The following TEX15 variants were observed in gnomAD, a reference collection of about 807,000 sequenced individuals.
The protein encoded by TEX15 is testis expressed 15, meiosis and synapsis associated.
TEX15 carries 171 observed loss-of-function variants against 237.3 expected under a neutral mutation model. That is an observed-to-expected ratio of 0.72 (90% CI 0.64 to 0.82). TEX15 has a LOEUF of 0.82. TEX15 is among the 40% of genes least tolerant of loss of function. TEX15 has a pLI of 0.00. For synonymous variants in TEX15, 1,338 were observed against 1,269.8 expected, an observed-to-expected ratio of 1.05 and a Z score of -1.14; for missense variants, 3,750 against 3,646.5, an observed-to-expected ratio of 1.03 and a Z score of -0.73.
intron 4 of TEX15, among the ~76,000 whole-genome samples, chr8:30,868,407 C>T (rs1808221614): frequency 6.6e-6 from 1 of 151,962 alleles, no homozygotes; most frequent in Non-Finnish European, 1.5e-5. Flanking sequence ...TGATTATCTG[C>T]AATGGAGAAC....
Position 30,849,010 on chromosome 8 carries a change from C to G in TEX15, c.1157G>C (p.Ser386Thr). 1 of 1,614,164 alleles carries G rather than the reference C, an allele frequency of 6.2e-7. No homozygotes were observed. Among genetic ancestry groups the G allele is most frequent in the Admixed American group, 1.7e-5 (1 of 60,026 alleles). The change falls in exon 8 of 11, where the codon AGT (serine) becomes ACT (threonine). Residue 386 changes from serine to threonine, a missense_variant. Ser to Thr is a moderately conservative substitution (Grantham distance 58, BLOSUM62 1). Transcript: ENST00000643185. Reference protein sequence around the residue: ...AHDSDISLMPSDAKDSVNGDL... With the variant: ...AHDSDISLMPTDAKDSVNGDL... Reference sequence around the variant, plus strand: ...ACCATTAACACTGTCTTTGGCATCACTGGGCATAAGTGAAATGTCTGAATC... The same window carrying G: ...ACCATTAACACTGTCTTTGGCATCAGTGGGCATAAGTGAAATGTCTGAATC...
chr8:30,892,896 G>A (rs1365690144), intron 2 of TEX15, among the ~76,000 whole-genome samples: 1 of 152,008 alleles, frequency 6.6e-6, no homozygotes, highest in Non-Finnish European at 1.5e-5. Context: ...AGCCGGGCGT[G>A]GTTGCAGGCG....
At chr8:30,851,683 A>T (rs1040331632) in intron 7 of TEX15, among the ~76,000 whole-genome samples, 1 of 151,530 alleles carries the variant, frequency 6.6e-6, no homozygotes, top group Non-Finnish European at 1.5e-5. Context: ...GTGGGAAAAG[A>T]AACCTAATTA....
chr8:30,891,748 C>T (rs530486669), intron 2 of TEX15, among the ~76,000 whole-genome samples: 3 of 152,224 alleles, frequency 2.0e-5, no homozygotes, highest in African/African-American at 7.2e-5. Flanking sequence ...TGCCTGTAGG[C>T]ATAAGCCACT....
At chr8:30,861,665 T>C (rs538846130) in intron 5 of TEX15, among the ~76,000 whole-genome samples, 88 of 152,286 alleles carry the variant, frequency 5.8e-4, no homozygotes, top group African/African-American at 2.1e-3. Flanking sequence ...GTGCATTATA[T>C]ATAAGAGCTC....
At chr8:30,835,067 G>A (rs1271157536) in intron 10 of TEX15, among the ~76,000 whole-genome samples, 1 of 152,050 alleles carries the variant, frequency 6.6e-6, no homozygotes, top group Non-Finnish European at 1.5e-5. Context: ...CCAGGAGTCC[G>A]AGACCACCCT....
At chr8:30,855,466 A>G (rs1807889552) in intron 7 of TEX15, among the ~76,000 whole-genome samples, 1 of 152,202 alleles carries the variant, frequency 6.6e-6, no homozygotes, top group African/African-American at 2.4e-5. Flanking sequence ...AGATATGAAG[A>G]AATTCTAACT....
chr8:30,849,972 CTCTTA>C (rs940761821), intron 7 of TEX15, among the ~76,000 whole-genome samples: 3 of 152,010 alleles, frequency 2.0e-5, no homozygotes, highest in Non-Finnish European at 4.4e-5. Flanking sequence ...GATAACAGCT[CTCTTA>C]TATTAATTTT....
Position 30,848,094 on chromosome 8 carries a change from T to C in TEX15, c.2073A>G (p.Thr691=). ...KILITQELEI[T]KSSTSTIKDK... ...CCTTTATGGTAGATGTAGAAGATTT[T>C]GTTATTTCTAACTCTTGAGTAATTA... The change falls in exon 8 of 11, where the codon ACA becomes ACG. Residue 691 remains threonine (T), a synonymous_variant. Coordinates refer to ENST00000643185, the MANE Select transcript of TEX15 (RefSeq NM_001350162.2). 1.2e-6 allele frequency: 2 copies of C among 1,610,860 alleles called. No homozygotes were observed. Among genetic ancestry groups the C allele is most frequent in the Non-Finnish European group, 1.7e-6 (2 of 1,178,382 alleles).
intron 2 of TEX15, among the ~76,000 whole-genome samples, chr8:30,889,954 C>CACGTATATATATATATATACGTATAT (rs1554502343): frequency 9.1e-6 from 1 of 110,084 alleles, no homozygotes; most frequent in African/African-American, 4.5e-5. Flanking sequence ...TATATATATA[C>CACGTATATATATATATATACGTATAT]ATATATATAT....
At chr8:30,907,500 T>C (rs952792271) in intron 1 of TEX15, among the ~76,000 whole-genome samples, 2 of 146,986 alleles carry the variant, frequency 1.4e-5, no homozygotes, top group Non-Finnish European at 1.5e-5. Context: ...AAAATGTATA[T>C]ATAAATTATA....
At position 30,833,843 on chromosome 8, in the gene TEX15, TTTTTC is replaced by T. The variant is rs558775330; in HGVS notation, c.9482-525_9482-521del. Among the ~76,000 whole-genome samples, 56 of 152,330 alleles carry T rather than the reference TTTTTC, an allele frequency of 3.7e-4. No homozygotes were observed. In the South Asian group the frequency reaches 3.7e-3, roughly 10 times the overall value. Reference sequence around the variant, plus strand: ...TGGATATTAAGTAAATGATTATTTCTTTTTCTTTTATTTTAATTGGACTAATATAA... The same window carrying T: ...TGGATATTAAGTAAATGATTATTTCTTTTTATTTTAATTGGACTAATATAA... On this transcript the variant is annotated intron_variant, in intron 10 of 10. Transcript: ENST00000643185.
At chr8:30,838,267 T>C (rs1310276688) in intron 9 of TEX15, among the ~76,000 whole-genome samples, 8 of 152,184 alleles carry the variant, frequency 5.3e-5, no homozygotes, top group African/African-American at 1.4e-4. Context: ...GAAGATGATA[T>C]GCTCTACATT....
chr8:30,851,772 A>G (rs1241321362), intron 7 of TEX15, among the ~76,000 whole-genome samples: 1 of 152,156 alleles, frequency 6.6e-6, no homozygotes, highest in Non-Finnish European at 1.5e-5. Context: ...CCCTGTCTGT[A>G]CTAAAAATAC....
intron 8 of TEX15, 58 bp downstream of exon 8, chr8:30,841,946 G>T: frequency 8.0e-7 from 1 of 1,244,506 alleles, no homozygotes; most frequent in Non-Finnish European, 1.1e-6. Flanking sequence ...GTTTGCTTAT[G>T]AGTAGACTTG....
chr8:30,902,527 T>C (rs770508922), intron 1 of TEX15, among the ~76,000 whole-genome samples: 1 of 152,186 alleles, frequency 6.6e-6, no homozygotes, highest in Non-Finnish European at 1.5e-5. Flanking sequence ...TTGGGTATCA[T>C]TCAATGTAGT....
chr8:30,844,693 A>T lies in TEX15; in HGVS notation c.5474T>A (p.Val1825Glu). 6.2e-7 allele frequency: 1 copy of T among 1,613,258 alleles called. No homozygotes were observed. The change falls in exon 8 of 11, where the codon GTA (valine) becomes GAA (glutamate). Residue 1825 changes from valine (V) to glutamate (E), a missense_variant. Physicochemically the swap from Val to Glu is moderately radical, Grantham distance 121 (BLOSUM62 -2). Transcript: ENST00000643185. ...ACATGTTTCTGAAGAGGAGCCTTTT[A>T]CATTATCTTTTAAAAGCAGAGAACT... ...SDSSLLLKDN[V>E]KGSSSETCIV... is the part of the protein sequence containing the mutation.
chr8:30,854,266 A>G (rs998948077), intron 7 of TEX15, among the ~76,000 whole-genome samples: 16 of 151,250 alleles, frequency 1.1e-4, no homozygotes, highest in African/African-American at 3.1e-4. Flanking sequence ...GACCAAAAAA[A>G]AAAAAAAAAA....
rs1808676450 is a variant in TEX15, at chr8:30,887,418, T to A, written c.-9-107A>T. On this transcript the variant is annotated intron_variant, in intron 2 of 10. Transcript: ENST00000643185. Reference sequence around the variant, plus strand: ...TCAACAAAAGTAAATGGTAAAATGTTCTTAGTCAACTGTCAGAAAGTTTCC... The same window carrying A: ...TCAACAAAAGTAAATGGTAAAATGTACTTAGTCAACTGTCAGAAAGTTTCC... 4 of 1,051,216 alleles carry A rather than the reference T, an allele frequency of 3.8e-6. No homozygotes were observed. The East Asian group carries it at 1.2e-4, about 32-fold the overall frequency. 65.1% of individuals were successfully genotyped at this position (1,051,216 alleles called of 1,614,324 possible). A position where few individuals can be genotyped will look rare whatever the true frequency, so the allele number is the denominator to read the frequency against.
Sources: gnomAD v4.1 joint callset for allele counts (sites outside exome capture counted in the v4.1 genomes callset) on GRCh38, gnomAD v4.1.1 for gene constraint, MANE v1.5 for transcripts, NCBI Gene and HGNC (gene_info 2026-07-23, HGNC 2026-07-21) for gene names.